Variants in HS3ST4 observed in about 807,000 individuals in gnomAD.
The protein encoded by HS3ST4 is heparan sulfate glucosamine 3-O-sulfotransferase 4.
In HS3ST4, 17 loss-of-function variants were observed where a neutral mutation model predicts 29.2. That is an observed-to-expected ratio of 0.58 (90% CI 0.40 to 0.87). The LOEUF (loss-of-function observed/expected upper bound fraction) is 0.87, where lower values mean the gene tolerates loss of function less well. Among genes scored for constraint, HS3ST4 ranks in the 40% least tolerant of loss-of-function variants. HS3ST4 has a pLI of 0.00. For synonymous variants in HS3ST4, 314 were observed against 285.7 expected (o/e 1.10, Z -1.00); for missense variants, 627 against 634.5 (o/e 0.99, Z 0.13).
At chr16:25,941,461 T>C (rs1968571510) in intron 1 of HS3ST4, among the ~76,000 whole-genome samples, 1 of 149,010 alleles carries the variant, frequency 6.7e-6, no homozygotes, top group Admixed American at 6.7e-5. Flanking sequence ...GCCTGGCCAA[T>C]ACCTGGTTTT....
chr16:25,770,011 C>A (rs1351548551), intron 1 of HS3ST4, among the ~76,000 whole-genome samples: 2 of 152,216 alleles, frequency 1.3e-5, no homozygotes, highest in African/African-American at 4.8e-5. Flanking sequence ...TTTTACCCCA[C>A]TTCTAAGTGC....
At chr16:25,852,036 A>G (rs1051437074) in intron 1 of HS3ST4, among the ~76,000 whole-genome samples, 1 of 151,582 alleles carries the variant, frequency 6.6e-6, no homozygotes, top group African/African-American at 2.4e-5. Context: ...AAGGTGACAT[A>G]TAGAGGAAGT....
At chr16:26,013,654 C>A (rs1360677165) in intron 1 of HS3ST4, among the ~76,000 whole-genome samples, 1 of 152,096 alleles carries the variant, frequency 6.6e-6, no homozygotes, top group Non-Finnish European at 1.5e-5. Context: ...GTGTTCTCAC[C>A]TCAGGGCCTT....
chr16:25,846,707 A>G (rs555627411), intron 1 of HS3ST4, among the ~76,000 whole-genome samples: 25 of 152,116 alleles, frequency 1.6e-4, no homozygotes, highest in Non-Finnish European at 3.5e-4. Flanking sequence ...AAATTTTCTA[A>G]TATAGCCATA....
intron 1 of HS3ST4, among the ~76,000 whole-genome samples, chr16:25,727,826 T>TA (rs1165823431): frequency 2.0e-5 from 3 of 152,196 alleles, no homozygotes; most frequent in African/African-American, 7.2e-5. Context: ...TATGGAAGAC[T>TA]AAAACTAGGA....
At chr16:25,707,363 A>T (rs1035753489) in intron 1 of HS3ST4, among the ~76,000 whole-genome samples, 5 of 152,142 alleles carry the variant, frequency 3.3e-5, no homozygotes, top group African/African-American at 1.2e-4. Flanking sequence ...TCTTATTATG[A>T]GTTGTTAATC....
chr16:26,034,985 A>G (rs888639559), intron 1 of HS3ST4, among the ~76,000 whole-genome samples: 1 of 152,122 alleles, frequency 6.6e-6, no homozygotes, highest in Admixed American at 6.5e-5. Flanking sequence ...CCATCTGAAA[A>G]AAGAAGAAAG....
chr16:25,902,271 C>T (rs573272284), intron 1 of HS3ST4, among the ~76,000 whole-genome samples: 7 of 151,986 alleles, frequency 4.6e-5, no homozygotes, highest in East Asian at 2.0e-4. Flanking sequence ...CAATCCCACA[C>T]GTTGTGAGGA....
intron 1 of HS3ST4, among the ~76,000 whole-genome samples, chr16:25,861,541 A>C (rs1967636917): frequency 6.6e-6 from 1 of 152,114 alleles, no homozygotes. Context: ...TGTTGTTGTA[A>C]AATAAAACAT....
chr16:25,901,488 T>C (rs1399581567), intron 1 of HS3ST4, among the ~76,000 whole-genome samples: 1 of 152,070 alleles, frequency 6.6e-6, no homozygotes, highest in Non-Finnish European at 1.5e-5. Flanking sequence ...CTGGCCAACA[T>C]GGAGAAACCC....
intron 1 of HS3ST4, among the ~76,000 whole-genome samples, chr16:25,702,742 G>T (rs1175712260): frequency 6.6e-6 from 1 of 152,146 alleles, no homozygotes; most frequent in Non-Finnish European, 1.5e-5. Flanking sequence ...CAAAATAACT[G>T]TCACTGTTTA....
chr16:26,064,431 G>C (rs972092128), intron 1 of HS3ST4, among the ~76,000 whole-genome samples: 1 of 152,122 alleles, frequency 6.6e-6, no homozygotes, highest in Admixed American at 6.5e-5. Context: ...GCATCGTGCA[G>C]AAGCCACAGT....
chr16:25,712,366 A>G (rs976483580), intron 1 of HS3ST4, among the ~76,000 whole-genome samples: 4 of 152,070 alleles, frequency 2.6e-5, no homozygotes, highest in Non-Finnish European at 4.4e-5. Flanking sequence ...TACTAAAAAT[A>G]CAAAAATTAG....
At chr16:25,793,419 T>A (rs1966874695) in intron 1 of HS3ST4, among the ~76,000 whole-genome samples, 1 of 151,934 alleles carries the variant, frequency 6.6e-6, no homozygotes, top group Non-Finnish European at 1.5e-5. Context: ...TTTATTTAGT[T>A]CTTTTTTAGT....
At chr16:25,995,184 C>T (rs1296233482) in intron 1 of HS3ST4, among the ~76,000 whole-genome samples, 1 of 152,190 alleles carries the variant, frequency 6.6e-6, no homozygotes, top group Non-Finnish European at 1.5e-5. Context: ...TTGGCTTTAT[C>T]ACTTCTTATC....
At chr16:25,762,851 T>A (rs1596563644) in intron 1 of HS3ST4, among the ~76,000 whole-genome samples, 1 of 111,686 alleles carries the variant, frequency 9.0e-6, no homozygotes, top group South Asian at 3.1e-4. Flanking sequence ...CACTCCAGCC[T>A]GGGTGACAGA....
chr16:25,935,284 C>T (rs1192195164), intron 1 of HS3ST4, among the ~76,000 whole-genome samples: 12 of 152,128 alleles, frequency 7.9e-5, no homozygotes, highest in Admixed American at 4.6e-4. Flanking sequence ...CAGAGTGGTA[C>T]GTTGGTTGCA....
intron 1 of HS3ST4, among the ~76,000 whole-genome samples, chr16:26,127,596 A>G (rs367985761): frequency 6.6e-6 from 1 of 152,018 alleles, no homozygotes; most frequent in East Asian, 1.9e-4. Flanking sequence ...CCTTTGTCAC[A>G]CTGAATGGGG....
intron 1 of HS3ST4, among the ~76,000 whole-genome samples, chr16:25,917,387 A>G (rs1968303480): frequency 6.6e-6 from 1 of 151,942 alleles, no homozygotes; most frequent in African/African-American, 2.4e-5. Flanking sequence ...TAATTTTTGT[A>G]TTTTTAGTAG....
Sources: allele counts gnomAD v4.1 joint callset (sites outside exome capture counted in the v4.1 genomes callset), GRCh38; gene constraint gnomAD v4.1.1; transcripts MANE v1.5; gene names NCBI Gene and HGNC (gene_info 2026-07-23, HGNC 2026-07-21).